ZSCAN25: variants seen among roughly 807,000 people sequenced by gnomAD.
ZSCAN25 encodes zinc finger and SCAN domain-containing protein 25.
Under a neutral mutation model 38.7 loss-of-function variants are expected in ZSCAN25, and 27 were observed. The observed-to-expected ratio is 0.70, with a 90% CI of 0.51 to 0.96. ZSCAN25 has a LOEUF of 0.96. ZSCAN25 is among the 40% of genes least tolerant of loss of function. The probability of loss-of-function intolerance (pLI) is 0.00; values close to 1 mark genes in which losing one functional copy is unlikely to be tolerated. For missense variants in ZSCAN25, 637 were observed against 705.9 expected (o/e 0.90, Z 1.11); for synonymous variants, 273 against 277.7 (o/e 0.98, Z 0.17).
chr7:99,625,470 G>A lies in ZSCAN25; in HGVS notation c.805+1290G>A, dbSNP rs114132275. ...CCATGTGCATGTAATAGTGGGATAC[G>A]GTAAGGGGCACTGGTCTCCTGGGAG... On this transcript the variant is annotated intron_variant, in intron 7 of 7. Transcript: ENST00000394152. Among the ~76,000 whole-genome samples the A allele has an allele frequency of 6.3e-3, 952 of 152,298 alleles. 6 individuals are homozygous for A. The highest frequency in any genetic ancestry group is 0.022 in the African/African-American group (897 of 41,540).
At chr7:99,727,819 G>T in the ZSCAN25 span, among the ~76,000 whole-genome samples, 22 of 152,244 alleles carry the variant, frequency 1.4e-4, no homozygotes, top group African/African-American at 5.3e-4. Flanking sequence ...GACTCTAAAT[G>T]CTGTCCATAT....
At chr7:99,626,398 A>G (rs1807473027) in intron 7 of ZSCAN25, among the ~76,000 whole-genome samples, 1 of 152,126 alleles carries the variant, frequency 6.6e-6, no homozygotes, top group South Asian at 2.1e-4. Flanking sequence ...ACTTGAGGAA[A>G]ATTGGATTGA....
chr7:99,626,952 C>T (rs1807523397), intron 7 of ZSCAN25, among the ~76,000 whole-genome samples: 1 of 152,186 alleles, frequency 6.6e-6, no homozygotes, highest in South Asian at 2.1e-4. Flanking sequence ...GTCTTTCTCC[C>T]AGTGTCTCTG....
intron 4 of ZSCAN25, 163 bp downstream of exon 4, chr7:99,620,156 C>CTG: frequency 2.0e-6 from 2 of 1,018,874 alleles, no homozygotes; most frequent in Non-Finnish European, 2.8e-6. Context: ...GCGTTTTCAG[C>CTG]AAGAAAGGCC....
the ZSCAN25 span, among the ~76,000 whole-genome samples, chr7:99,666,095 A>G: frequency 1.3e-5 from 2 of 152,146 alleles, no homozygotes; most frequent in Non-Finnish European, 2.9e-5. Flanking sequence ...TAGCATTTCT[A>G]GCACCCTTTC....
the ZSCAN25 span, chr7:99,679,898 G>A: frequency 1.2e-5 from 19 of 1,613,628 alleles, no homozygotes; most frequent in African/African-American, 1.9e-4. Flanking sequence ...GAGGTCCATC[G>A]CCACTTTCCT....
the ZSCAN25 span, chr7:99,676,401 A>C: frequency 6.6e-7 from 1 of 1,509,208 alleles, no homozygotes; most frequent in South Asian, 1.1e-5. Flanking sequence ...ACCCCTGAAA[A>C]GTCTCAATGA....
chr7:99,672,881 A>T, the ZSCAN25 span: 1 of 1,389,496 alleles, frequency 7.2e-7, no homozygotes, highest in Admixed American at 3.0e-5. Flanking sequence ...GCTTCATATG[A>T]TGAAGGGTAA....
the ZSCAN25 span, chr7:99,660,610 A>T: frequency 6.2e-7 from 1 of 1,614,082 alleles, no homozygotes; most frequent in Non-Finnish European, 8.5e-7. Flanking sequence ...TTTCATAGCC[A>T]GCAAAAATGA....
chr7:99,634,752 G>A (rs1290804452), downstream of ZSCAN25, among the ~76,000 whole-genome samples: 1 of 151,514 alleles, frequency 6.6e-6, no homozygotes, highest in Non-Finnish European at 1.5e-5. Flanking sequence ...AGCCGAGATC[G>A]CACCACTGCA....
the ZSCAN25 span, among the ~76,000 whole-genome samples, chr7:99,645,728 A>G: frequency 6.6e-6 from 1 of 151,880 alleles, no homozygotes; most frequent in Admixed American, 6.6e-5. Context: ...TTTTTTTTAT[A>G]TGATTGTCGT....
the ZSCAN25 span, among the ~76,000 whole-genome samples, chr7:99,661,066 G>C: frequency 6.6e-6 from 1 of 152,182 alleles, no homozygotes; most frequent in East Asian, 1.9e-4. Flanking sequence ...AATAGAGCTT[G>C]ACAGACTTTG....
chr7:99,688,984 A>C, the ZSCAN25 span, among the ~76,000 whole-genome samples: 1 of 152,258 alleles, frequency 6.6e-6, no homozygotes, highest in Non-Finnish European at 1.5e-5. Context: ...ACAAAGACAC[A>C]ACATACCAGA....
the ZSCAN25 span, chr7:99,710,840 G>A: frequency 6.2e-7 from 1 of 1,613,830 alleles, no homozygotes; most frequent in Non-Finnish European, 8.5e-7. Flanking sequence ...TGGTTTCATA[G>A]CCAGCAAAAA....
At chr7:99,623,208 A>G (rs1807150558) in intron 6 of ZSCAN25, among the ~76,000 whole-genome samples, 1 of 152,060 alleles carries the variant, frequency 6.6e-6, no homozygotes, top group South Asian at 2.1e-4. Flanking sequence ...GTTTATGGGT[A>G]CTTCTGCTGC....
the ZSCAN25 span, among the ~76,000 whole-genome samples, chr7:99,719,605 T>A: frequency 7.6e-5 from 11 of 144,168 alleles, no homozygotes; most frequent in African/African-American, 1.3e-4. Flanking sequence ...CATAAAAAAA[T>A]ATTAATACAT....
chr7:99,708,993 C>T, the ZSCAN25 span: 1 of 1,609,830 alleles, frequency 6.2e-7, no homozygotes, highest in Non-Finnish European at 8.5e-7. Context: ...ATGCTTGAAC[C>T]AGGCTGGTTC....
At chr7:99,633,986 A>C (rs1808162134), downstream of ZSCAN25, among the ~76,000 whole-genome samples, 1 of 152,174 alleles carries the variant, frequency 6.6e-6, no homozygotes, top group Non-Finnish European at 1.5e-5. Flanking sequence ...AGTGGTGTAA[A>C]CCGGGACTCT....
chr7:99,651,761 C>T, the ZSCAN25 span, among the ~76,000 whole-genome samples: 49 of 152,258 alleles, frequency 3.2e-4, no homozygotes, highest in African/African-American at 8.4e-4. Context: ...AGAGTGCGAA[C>T]TGTGCCTAAG....
Sources: allele counts gnomAD v4.1 joint callset (sites outside exome capture counted in the v4.1 genomes callset), GRCh38; gene constraint gnomAD v4.1.1; transcripts MANE v1.5; gene names NCBI Gene and HGNC (gene_info 2026-07-23, HGNC 2026-07-21).